STIM2: variants seen among roughly 807,000 people sequenced by gnomAD.
STIM2 encodes the protein stromal interaction molecule 2.
In STIM2, 31 loss-of-function variants were observed where a neutral mutation model predicts 85.8. The ratio of observed to expected loss-of-function variants is 0.36; its 90% confidence interval spans 0.27 to 0.49. The LOEUF (loss-of-function observed/expected upper bound fraction) is 0.49. Ranked by LOEUF, STIM2 falls within the 20% of genes least tolerant of loss-of-function variation. STIM2 has a pLI of 0.98. For missense variants in STIM2, 841 were observed against 927.6 expected (o/e 0.91, Z 1.21); for synonymous variants, 356 against 331.1 (o/e 1.08, Z -0.82).
At chr4:26,867,944 G>A (rs1577403925) in intron 1 of STIM2, among the ~76,000 whole-genome samples, 1 of 152,116 alleles carries the variant, frequency 6.6e-6, no homozygotes, top group East Asian at 1.9e-4. Context: ...TTCTAAATTG[G>A]GGGTAGGGAA....
At position 27,017,712 on chromosome 4, in the gene STIM2, G is replaced by A; in HGVS notation, c.1491G>A (p.Gly497=). 6.2e-7 allele frequency: 1 copy of A among 1,613,526 alleles called. No homozygotes were observed. Among genetic ancestry groups the A allele is most frequent in the Non-Finnish European group, 8.5e-7 (1 of 1,179,564 alleles). ...TGTTTCTTTCTTGGTGTTTTTCAGG[G>A]ACCATGGCTAAACCTCCTGGATCAT... Residue 497 remains glycine (G), a splice_region_variant and synonymous_variant, in exon 11 of 12, where the codon GGG becomes GGA. Transcript: ENST00000467087.
intron 1 of STIM2, among the ~76,000 whole-genome samples, chr4:26,914,965 G>A (rs1020243842): frequency 6.6e-6 from 1 of 152,108 alleles, no homozygotes; most frequent in African/African-American, 2.4e-5. Context: ...CTGTGATAGC[G>A]GTACTTAATT....
At chr4:26,923,077 C>G (rs957584180) in intron 2 of STIM2, among the ~76,000 whole-genome samples, 2 of 151,248 alleles carry the variant, frequency 1.3e-5, no homozygotes, top group Admixed American at 6.6e-5. Flanking sequence ...CCCTGACCCC[C>G]GAGCAGCCTA....
intron 3 of STIM2, among the ~76,000 whole-genome samples, chr4:26,965,897 T>G (rs1235072506): frequency 6.6e-6 from 1 of 152,148 alleles, no homozygotes; most frequent in Non-Finnish European, 1.5e-5. Flanking sequence ...ACTTGACAAT[T>G]CTATTCTGTA....
intron 1 of STIM2, among the ~76,000 whole-genome samples, chr4:26,893,508 A>G (rs974790921): frequency 2.0e-5 from 3 of 152,112 alleles, no homozygotes; most frequent in African/African-American, 7.2e-5. Context: ...ATTCATTTTT[A>G]TTGCTGTATT....
rs1351404204 is a variant in STIM2 at position 26,917,411 on chromosome 4, A to T, written c.152-2093A>T. On this transcript the variant is annotated intron_variant, in intron 1 of 11. Transcript: ENST00000467087. ...GGTGCCTGACATTTGGTAGGTGCTC[A>T]TTAGATAGTTGTTGAGTGGATTGAA... Among the ~76,000 whole-genome samples the T allele has an allele frequency of 2.0e-5, 3 of 152,096 alleles. No homozygotes were observed. In the East Asian group the frequency reaches 5.8e-4, roughly 29 times the overall value.
At chr4:26,882,786 C>T (rs7672936) in intron 1 of STIM2, among the ~76,000 whole-genome samples, 96,876 of 151,470 alleles carry the variant, frequency 0.64, 32,120 homozygotes, top group African/African-American at 0.82. Context: ...GCTTCAACTA[C>T]TATATGTAAA....
chr4:26,885,859 A>ATATATATATATGTATATATATATATATG (rs1723218227), intron 1 of STIM2, among the ~76,000 whole-genome samples: 1 of 89,440 alleles, frequency 1.1e-5, no homozygotes, highest in Non-Finnish European at 2.3e-5. Flanking sequence ...ATATATATAT[A>ATATATATATATGTATATATATATATATG]TATATATATA....
At chr4:26,985,145 A>C (rs1727536544) in intron 3 of STIM2, among the ~76,000 whole-genome samples, 1 of 152,230 alleles carries the variant, frequency 6.6e-6, no homozygotes. Context: ...GCAGCTGAGC[A>C]TCTAAAGTCT....
intron 1 of STIM2, among the ~76,000 whole-genome samples, chr4:26,891,492 T>C (rs181529397): frequency 6.6e-6 from 1 of 152,118 alleles, no homozygotes; most frequent in East Asian, 1.9e-4. Flanking sequence ...TAAATCTCTA[T>C]ATTTATACAC....
intron 1 of STIM2, among the ~76,000 whole-genome samples, chr4:26,910,428 G>A (rs563873677): frequency 6.6e-6 from 1 of 152,178 alleles, no homozygotes; most frequent in Non-Finnish European, 1.5e-5. Context: ...GGAGGCTGTG[G>A]CAGGAGAATT....
intron 11 of STIM2, chr4:27,021,428 A>G: frequency 2.2e-6 from 1 of 455,794 alleles, no homozygotes; most frequent in South Asian, 1.6e-5. Flanking sequence ...TGGAGAGTAG[A>G]TAACACCAAG....
At chr4:26,929,035 C>T (rs559708396) in intron 2 of STIM2, among the ~76,000 whole-genome samples, 114 of 152,192 alleles carry the variant, frequency 7.5e-4, no homozygotes, top group African/African-American at 2.4e-3. Context: ...ATTGAGCATT[C>T]GAAGTTGAGG....
At chr4:26,936,501 G>A (rs1725396143) in intron 2 of STIM2, among the ~76,000 whole-genome samples, 1 of 152,102 alleles carries the variant, frequency 6.6e-6, no homozygotes, top group Admixed American at 6.5e-5. Flanking sequence ...TTATTATTGG[G>A]GGTTCCCTCT....
rs550537701 is a variant in STIM2, at chr4:26,949,771, C to T, written c.283-7841C>T. ...AAATATTGTATTTCCTCCTTGGCTC[C>T]TCCTCTTATCTTCCTGATGGCCCAT... On this transcript the variant is annotated intron_variant, in intron 2 of 11. Coordinates refer to ENST00000467087, the MANE Select transcript of STIM2 (RefSeq NM_020860.4). Among the ~76,000 whole-genome samples, 4 of 152,238 alleles carry T rather than the reference C, an allele frequency of 2.6e-5. No homozygotes were observed. The East Asian group carries it at 7.7e-4, about 29-fold the overall frequency.
rs1039115059 is a variant in STIM2 at position 27,025,095 on chromosome 4, ATTGT to A, written c.*2104_*2107del. On this transcript the variant is annotated 3_prime_UTR_variant, in exon 12 of 12. Coordinates refer to ENST00000467087, the MANE Select transcript of STIM2 (RefSeq NM_020860.4). ...CTGTTTTCAGTCAGGGAGCATGTGC[ATTGT>A]TTGTGCTCAATTTCAGACACTCATT... 1 of 152,138 alleles carries A rather than the reference ATTGT, an allele frequency of 6.6e-6. No homozygotes were observed. Among genetic ancestry groups the A allele is most frequent in the African/African-American group, 2.4e-5 (1 of 41,420 alleles). The allele number at this position is 152,138 out of a possible 1,614,324, so 9.4% of individuals were successfully genotyped here. A position where few individuals can be genotyped will look rare whatever the true frequency, so the allele number is the denominator to read the frequency against.
At chr4:27,016,406 T>C (rs541888625) in intron 10 of STIM2, among the ~76,000 whole-genome samples, 1 of 152,308 alleles carries the variant, frequency 6.6e-6, no homozygotes, top group South Asian at 2.1e-4. Context: ...GAAAATACTG[T>C]GTGAGTGGTA....
intron 2 of STIM2, among the ~76,000 whole-genome samples, chr4:26,954,419 A>G (rs1181849395): frequency 6.7e-6 from 1 of 149,562 alleles, no homozygotes; most frequent in Non-Finnish European, 1.5e-5. Context: ...GGAACTCTAC[A>G]TTATTTGCCG....
intron 1 of STIM2, among the ~76,000 whole-genome samples, chr4:26,907,964 A>G (rs1033475348): frequency 4.6e-5 from 7 of 152,224 alleles, no homozygotes; most frequent in African/African-American, 1.7e-4. Flanking sequence ...AGCTTGGAAC[A>G]GTACACGGAA....
Sources: allele counts gnomAD v4.1 joint callset (sites outside exome capture counted in the v4.1 genomes callset), GRCh38; gene constraint gnomAD v4.1.1; transcripts MANE v1.5; gene names NCBI Gene and HGNC (gene_info 2026-07-23, HGNC 2026-07-21).